Variants in ATF6 observed in about 807,000 individuals in gnomAD.
ATF6 encodes the protein activating transcription factor 6, also known as cyclic AMP-dependent transcription factor ATF-6 alpha.
ATF6 carries 53 observed loss-of-function variants against 83.6 expected under a neutral mutation model. The observed-to-expected ratio is 0.63, with a 90% CI of 0.51 to 0.80. ATF6 has a LOEUF of 0.80. Ranked by LOEUF, ATF6 falls within the 30% of genes least tolerant of loss-of-function variation. ATF6 has a pLI of 0.00. For missense variants in ATF6, 744 were observed against 797.9 expected, an observed-to-expected ratio of 0.93 and a Z score of 0.81; for synonymous variants, 288 against 285.8, an observed-to-expected ratio of 1.01 and a Z score of -0.08.
At chr1:161,811,116 G>A (rs1335208563) in intron 7 of ATF6, among the ~76,000 whole-genome samples, 2 of 152,080 alleles carry the variant, frequency 1.3e-5, no homozygotes, top group Non-Finnish European at 2.9e-5. Context: ...TTAATATATA[G>A]AGTATAAATC....
chr1:161,781,430 GA>G (rs1235406551), intron 2 of ATF6, among the ~76,000 whole-genome samples: 1 of 151,742 alleles, frequency 6.6e-6, no homozygotes, highest in African/African-American at 2.4e-5. Flanking sequence ...TAGAACAGTA[GA>G]AAAAAAAGAA....
chr1:161,826,892 A>T (rs1025292218), intron 9 of ATF6, among the ~76,000 whole-genome samples: 2 of 151,708 alleles, frequency 1.3e-5, no homozygotes, highest in Non-Finnish European at 2.9e-5. Flanking sequence ...GAGATGTTTC[A>T]TCATTTGTGT....
chr1:161,852,203 A>G (rs1316552566), intron 11 of ATF6, among the ~76,000 whole-genome samples: 1 of 152,184 alleles, frequency 6.6e-6, no homozygotes, highest in Non-Finnish European at 1.5e-5. Context: ...TACCGTTAGT[A>G]CACACTTCTT....
intron 10 of ATF6, among the ~76,000 whole-genome samples, chr1:161,849,407 G>T (rs1336790325): frequency 6.6e-6 from 1 of 152,158 alleles, no homozygotes; most frequent in Non-Finnish European, 1.5e-5. Context: ...TTTCTCTCGT[G>T]TGTGGCATAA....
intron 4 of ATF6, among the ~76,000 whole-genome samples, chr1:161,787,842 C>A (rs1010385110): frequency 1.3e-5 from 2 of 152,060 alleles, no homozygotes; most frequent in African/African-American, 4.8e-5. Context: ...CAATTATATG[C>A]ATGTATTTTA....
At chr1:161,953,547 A>G (rs1465278428) in intron 15 of ATF6, among the ~76,000 whole-genome samples, 1 of 152,174 alleles carries the variant, frequency 6.6e-6, no homozygotes, top group Non-Finnish European at 1.5e-5. Flanking sequence ...TCACAGCTGA[A>G]TGTGTGCTGT....
At chr1:161,769,241 AAAT>A (rs1401453251) in intron 1 of ATF6, among the ~76,000 whole-genome samples, 2 of 152,350 alleles carry the variant, frequency 1.3e-5, no homozygotes, top group East Asian at 1.9e-4. Context: ...TAATTATTTT[AAAT>A]AATAAGCCTA....
intron 7 of ATF6, among the ~76,000 whole-genome samples, chr1:161,809,551 A>G (rs1005695630): frequency 6.6e-6 from 1 of 152,230 alleles, no homozygotes. Flanking sequence ...TCCTTTGGGT[A>G]TATACCCAGT....
At chr1:161,870,302 G>A (rs569509962) in intron 14 of ATF6, among the ~76,000 whole-genome samples, 76 of 151,870 alleles carry the variant, frequency 5.0e-4, no homozygotes, top group Admixed American at 2.2e-3. Context: ...TAACTTAATG[G>A]TTTGAAATAT....
At chr1:161,933,117 A>G (rs1286567963) in intron 15 of ATF6, among the ~76,000 whole-genome samples, 1 of 152,228 alleles carries the variant, frequency 6.6e-6, no homozygotes, top group Non-Finnish European at 1.5e-5. Context: ...ATAGAAGGGA[A>G]ATACCAAGGG....
At chr1:161,865,348 C>T (rs1390312525) in intron 14 of ATF6, among the ~76,000 whole-genome samples, 4 of 152,060 alleles carry the variant, frequency 2.6e-5, no homozygotes, top group South Asian at 2.1e-4. Flanking sequence ...TTAGTAGAGA[C>T]GGGGTTTCAC....
Position 161,958,591 on chromosome 1 carries a change from C to G in ATF6, c.1950C>G (p.Gly650=). ...GGAATCAAACCAACACCTTCTTTGG[C>G]TCCCCTCCCGCAGCCACAGAGGCAA... is the stretch of plus-strand genomic sequence containing the variant. ...QQRNQTNTFF[G]SPPAATEATH... The change falls in exon 16 of 16, where the codon GGC becomes GGG. Residue 650 remains glycine, a synonymous_variant. Coordinates refer to ENST00000367942, the MANE Select transcript of ATF6 (RefSeq NM_007348.4). The G allele has an allele frequency of 6.2e-7, 1 of 1,614,040 alleles. No homozygotes were observed. The highest frequency in any genetic ancestry group is 1.3e-5 in the African/African-American group (1 of 75,008).
chr1:161,817,576 T>G (rs1314886105), intron 7 of ATF6, among the ~76,000 whole-genome samples: 3 of 152,118 alleles, frequency 2.0e-5, no homozygotes, highest in African/African-American at 7.2e-5. Flanking sequence ...AGTGAGATAG[T>G]TATTCTTCAG....
intron 7 of ATF6, among the ~76,000 whole-genome samples, chr1:161,805,962 A>C (rs1323929492): frequency 6.6e-6 from 1 of 152,196 alleles, no homozygotes; most frequent in East Asian, 1.9e-4. Flanking sequence ...CATATTCTGC[A>C]AACTGCATTA....
chr1:161,850,945 T>C (rs1398966714), intron 10 of ATF6, among the ~76,000 whole-genome samples: 1 of 152,152 alleles, frequency 6.6e-6, no homozygotes, highest in Non-Finnish European at 1.5e-5. Context: ...TGGATATGAA[T>C]TCACATGATC....
At chr1:161,955,036 CT>C (rs1395151170) in intron 15 of ATF6, among the ~76,000 whole-genome samples, 1 of 152,156 alleles carries the variant, frequency 6.6e-6, no homozygotes, top group African/African-American at 2.4e-5. Context: ...ATGGTTCAGT[CT>C]TTGCACATAA....
At chr1:161,835,949 T>C (rs1242238273) in intron 9 of ATF6, among the ~76,000 whole-genome samples, 5 of 152,192 alleles carry the variant, frequency 3.3e-5, no homozygotes. Flanking sequence ...GCTTTTACCC[T>C]GTTTTTGTTC....
intron 2 of ATF6, 48 bp from the exon 3 acceptor site, chr1:161,781,864 T>C: frequency 8.0e-7 from 1 of 1,257,434 alleles, no homozygotes; most frequent in Non-Finnish European, 1.1e-6. Flanking sequence ...TTTTAAGATG[T>C]GTATGTTTTA....
At chr1:161,919,558 A>C (rs1017273060) in intron 15 of ATF6, among the ~76,000 whole-genome samples, 1 of 152,160 alleles carries the variant, frequency 6.6e-6, no homozygotes, top group Non-Finnish European at 1.5e-5. Context: ...AACTTTGTAG[A>C]TATCTTTCAT....
Sources: gnomAD v4.1 joint callset for allele counts (sites outside exome capture counted in the v4.1 genomes callset) on GRCh38, gnomAD v4.1.1 for gene constraint, MANE v1.5 for transcripts, NCBI Gene and HGNC (gene_info 2026-07-23, HGNC 2026-07-21) for gene names.